IFT80: variants seen among roughly 807,000 people sequenced by gnomAD.
IFT80 encodes intraflagellar transport protein 80 homolog.
Under a neutral mutation model 107.9 loss-of-function variants are expected in IFT80, and 79 were observed. The ratio of observed to expected loss-of-function variants is 0.73; its 90% CI spans 0.61 to 0.88. IFT80 has a LOEUF of 0.88. Among genes scored for constraint, IFT80 ranks in the 40% least tolerant of loss-of-function variants. The probability of loss-of-function intolerance (pLI) is 0.00; values close to 1 mark genes in which losing one functional copy is unlikely to be tolerated. For missense variants in IFT80, 797 were observed against 914.2 expected (o/e 0.87, Z 1.65); for synonymous variants, 299 against 300.9 (o/e 0.99, Z 0.07).
intron 12 of IFT80, among the ~76,000 whole-genome samples, chr3:160,291,441 G>A (rs1473784068): frequency 6.6e-6 from 1 of 152,194 alleles, no homozygotes; most frequent in African/African-American, 2.4e-5. Context: ...CTGCTCTGAT[G>A]GACTTTGGAA....
intron 5 of IFT80, among the ~76,000 whole-genome samples, chr3:160,372,358 T>C (rs1239877241): frequency 6.6e-6 from 1 of 152,194 alleles, no homozygotes. Flanking sequence ...CAACTCTCAG[T>C]AGTTCAGATT....
chr3:160,393,130 T>C (rs1713510114), intron 1 of IFT80, among the ~76,000 whole-genome samples: 1 of 152,164 alleles, frequency 6.6e-6, no homozygotes. Context: ...TGGCTTCCTA[T>C]CTCACCCAGA....
At chr3:160,301,119 G>A in intron 11 of IFT80, 73 bp from the exon 12 acceptor site, 1 of 1,322,390 alleles carries the variant, frequency 7.6e-7, no homozygotes, top group Non-Finnish European at 1.0e-6. Context: ...TTACAGAATA[G>A]TTTATCCTTG....
At chr3:160,265,421 ACT>A (rs1713237384) in intron 19 of IFT80, among the ~76,000 whole-genome samples, 1 of 151,726 alleles carries the variant, frequency 6.6e-6, no homozygotes, top group Non-Finnish European at 1.5e-5. Context: ...GATTTCTTTC[ACT>A]CTTTTTCTTT....
chr3:160,258,697 C>T (rs1712554393), intron 19 of IFT80, 62 bp from the exon 20 acceptor site: 1 of 1,563,662 alleles, frequency 6.4e-7, no homozygotes, highest in East Asian at 2.3e-5. Context: ...TTGTTTACTC[C>T]AAAGTAACTA....
At chr3:160,365,744 T>A (rs1305726441) in intron 6 of IFT80, among the ~76,000 whole-genome samples, 2 of 152,066 alleles carry the variant, frequency 1.3e-5, no homozygotes, top group African/African-American at 2.4e-5. Context: ...ATAACTTGCC[T>A]AAGGTCATGT....
At chr3:160,311,040 G>A (rs1258777326) in intron 9 of IFT80, among the ~76,000 whole-genome samples, 1 of 152,116 alleles carries the variant, frequency 6.6e-6, no homozygotes, top group Non-Finnish European at 1.5e-5. Flanking sequence ...TGGGAGGATC[G>A]TTTGAGCTTG....
At chr3:160,360,023 T>C (rs574833001) in intron 6 of IFT80, among the ~76,000 whole-genome samples, 39 of 152,320 alleles carry the variant, frequency 2.6e-4, no homozygotes, top group Middle Eastern at 3.4e-3. Context: ...TTGACATAAC[T>C]AGGCTTCAGA....
intron 18 of IFT80, among the ~76,000 whole-genome samples, chr3:160,275,647 T>A (rs4679879): frequency 0.3 from 46,270 of 151,720 alleles, 8,092 homozygotes; most frequent in African/African-American, 0.48. Context: ...TTACCTTAAA[T>A]TTTTTTTTGT....
rs1716634755 is a variant in IFT80, at chr3:160,303,970, G to T, written c.1096C>A (p.Pro366Thr). The T allele has an allele frequency of 6.2e-7, 1 of 1,609,886 alleles. No homozygotes were observed. Among genetic ancestry groups the T allele is most frequent in the Non-Finnish European group, 8.5e-7 (1 of 1,176,664 alleles). The change falls in exon 11 of 20, where the codon CCA (proline) becomes ACA (threonine). Residue 366 changes from proline (P) to threonine (T), a missense_variant. Pro to Thr is a conservative substitution (Grantham distance 38). Transcript: ENST00000326448. The part of the protein sequence containing the change: ...YVFSTKNWNT[P>T]IIFDLKEGTV... ...CCTTCTTTGAGATCAAATATAATTG[G>T]TGTGTTCCAGTTCTTCGTGCTAAAA...
chr3:160,334,175 T>G (rs954126830), intron 8 of IFT80, among the ~76,000 whole-genome samples: 4 of 152,198 alleles, frequency 2.6e-5, no homozygotes, highest in Admixed American at 2.6e-4. Flanking sequence ...TTACTGTTAA[T>G]TGTTTTCAGA....
intron 8 of IFT80, among the ~76,000 whole-genome samples, chr3:160,342,292 A>G (rs1465919051): frequency 6.6e-6 from 1 of 152,180 alleles, no homozygotes; most frequent in Non-Finnish European, 1.5e-5. Context: ...CAAACATGCT[A>G]ATGCTACTCT....
At chr3:160,311,502 A>T (rs1248099554) in intron 9 of IFT80, among the ~76,000 whole-genome samples, 1 of 152,234 alleles carries the variant, frequency 6.6e-6, no homozygotes, top group East Asian at 1.9e-4. Flanking sequence ...AGAACTTAAA[A>T]AACAATTCCA....
intron 8 of IFT80, among the ~76,000 whole-genome samples, chr3:160,338,684 C>CTGGAGAAGGGCATGGTGACA (rs1719669030): frequency 6.6e-6 from 1 of 151,338 alleles, no homozygotes; most frequent in African/African-American, 2.4e-5. Flanking sequence ...ATGTGTGTAT[C>CTGGAGAAGGGCATGGTGACA]TGGAGAAGGG....
intron 9 of IFT80, among the ~76,000 whole-genome samples, chr3:160,313,669 G>A (rs1445878024): frequency 1.3e-5 from 2 of 151,176 alleles, no homozygotes; most frequent in African/African-American, 2.4e-5. Context: ...GAGTGCAGTG[G>A]CGTGATCTCA....
chr3:160,366,247 T>C (rs1341717841), intron 5 of IFT80, 95 bp from the exon 6 acceptor site: 1 of 857,134 alleles, frequency 1.2e-6, no homozygotes, highest in Admixed American at 1.9e-5. Context: ...AAAAGCCATA[T>C]GAGGTGTCAT....
Position 160,383,754 on chromosome 3 carries a change from C to T in IFT80, c.37+810G>A, listed in dbSNP as rs541982583. 29 of 985,316 alleles carry T rather than the reference C, an allele frequency of 2.9e-5. No individual in the cohort carries two copies. In the African/African-American group the frequency reaches 4.9e-4, roughly 17 times the overall value. 61.0% of individuals were successfully genotyped at this position (985,316 alleles called of 1,614,324 possible). ...TATCTCCTTGACACATAACTGGGGA[C>T]TCTTGCTGACAAAATATAGGGTCAT... On this transcript the variant is annotated intron_variant, in intron 2 of 19. Transcript: ENST00000326448.
chr3:160,283,557 A>G (rs1267618528), intron 13 of IFT80, among the ~76,000 whole-genome samples: 1 of 152,198 alleles, frequency 6.6e-6, no homozygotes, highest in Non-Finnish European at 1.5e-5. Context: ...TATTTTAAGA[A>G]AGAAAAGAAT....
At chr3:160,328,903 C>T (rs1441200628) in intron 8 of IFT80, among the ~76,000 whole-genome samples, 1 of 152,036 alleles carries the variant, frequency 6.6e-6, no homozygotes, top group Non-Finnish European at 1.5e-5. Context: ...AAGCAGAAAA[C>T]CAAATACCAC....
Sources: allele counts gnomAD v4.1 joint callset (sites outside exome capture counted in the v4.1 genomes callset), GRCh38; gene constraint gnomAD v4.1.1; transcripts MANE v1.5; gene names NCBI Gene and HGNC (gene_info 2026-07-23, HGNC 2026-07-21).